The following PTPRN2 variants were observed in gnomAD, a reference collection of about 807,000 sequenced individuals.
PTPRN2 encodes the protein protein tyrosine phosphatase receptor type N2.
A neutral mutation model predicts 118.8 loss-of-function variants in PTPRN2; 74 were observed. The observed-to-expected ratio is 0.62, with a 90% CI of 0.52 to 0.76. The LOEUF (loss-of-function observed/expected upper bound fraction) is 0.76, where lower values mean the gene tolerates loss of function less well. Among genes scored for constraint, PTPRN2 ranks in the 30% least tolerant of loss-of-function variants. PTPRN2 has a pLI of 0.00. For missense variants in PTPRN2, 1,481 were observed against 1,394.4 expected (o/e 1.06, Z -0.99); for synonymous variants, 641 against 608.0 (o/e 1.05, Z -0.80).
chr7:158,433,782 C>T (rs1004562588), intron 2 of PTPRN2, among the ~76,000 whole-genome samples: 2 of 151,976 alleles, frequency 1.3e-5, no homozygotes, highest in African/African-American at 2.4e-5. Context: ...ATGTCATTTT[C>T]ACCTTTTCTT....
chr7:157,558,176 C>A (rs762116483), intron 21 of PTPRN2, among the ~76,000 whole-genome samples: 1 of 152,002 alleles, frequency 6.6e-6, no homozygotes, highest in Non-Finnish European at 1.5e-5. Flanking sequence ...ATTGGTGCGA[C>A]GCGGTGCCCA....
At chr7:157,849,264 C>T (rs1338648755) in intron 12 of PTPRN2, among the ~76,000 whole-genome samples, 1 of 152,208 alleles carries the variant, frequency 6.6e-6, no homozygotes, top group Non-Finnish European at 1.5e-5. Flanking sequence ...CCTTTCTCCC[C>T]CAGGCTGGGA....
chr7:158,329,697 G>A (rs560548010), intron 2 of PTPRN2, among the ~76,000 whole-genome samples: 12 of 152,276 alleles, frequency 7.9e-5, no homozygotes, highest in African/African-American at 1.4e-4. Flanking sequence ...AAGACACTGC[G>A]TATTATTATC....
Position 158,127,467 on chromosome 7 carries a change from A to T in PTPRN2, c.1556+6210T>A, listed in dbSNP as rs1817793784. ...AGCACAGGGGCGTTTGCCACATTCT[A>T]GGTCTCGGGGCTGCCGTGGGACCCT... On this transcript the variant is annotated intron_variant, in intron 9 of 22. Transcript: ENST00000389418. Among the ~76,000 whole-genome samples, 3 of 152,056 alleles carry T rather than the reference A, an allele frequency of 2.0e-5. No individual in the cohort carries two copies. The South Asian group carries it at 6.2e-4, about 32-fold the overall frequency.
At chr7:158,406,986 G>A (rs1813495343) in intron 2 of PTPRN2, among the ~76,000 whole-genome samples, 1 of 152,160 alleles carries the variant, frequency 6.6e-6, no homozygotes, top group African/African-American at 2.4e-5. Context: ...GGAGCTGCCA[G>A]CCCTGAACAA....
chr7:157,816,108 C>T (rs1353838868), intron 12 of PTPRN2, among the ~76,000 whole-genome samples: 2 of 152,242 alleles, frequency 1.3e-5, no homozygotes, highest in South Asian at 4.1e-4. Context: ...CCTTCTCCAC[C>T]CTTGTTCACA....
At chr7:158,122,684 A>G (rs1817268325) in intron 9 of PTPRN2, among the ~76,000 whole-genome samples, 1 of 152,186 alleles carries the variant, frequency 6.6e-6, no homozygotes, top group Non-Finnish European at 1.5e-5. Context: ...GCCTCATTTA[A>G]AAGAGAAACC....
chr7:157,551,655 C>T (rs2150468817), intron 21 of PTPRN2, among the ~76,000 whole-genome samples: 1 of 143,846 alleles, frequency 7.0e-6, no homozygotes, highest in African/African-American at 2.6e-5. Flanking sequence ...ACCCCACAGC[C>T]ATCACACACC....
chr7:157,747,853 C>A (rs1241057490), intron 12 of PTPRN2, among the ~76,000 whole-genome samples: 2 of 136,740 alleles, frequency 1.5e-5, no homozygotes, highest in Non-Finnish European at 3.1e-5. Context: ...CCGGGTGATT[C>A]TGAGGCCTGC....
intron 12 of PTPRN2, among the ~76,000 whole-genome samples, chr7:157,765,176 ACCAT>A (rs1279806274): frequency 1.1e-4 from 15 of 141,140 alleles, no homozygotes; most frequent in African/African-American, 4.0e-4. Context: ...TATCCATCCA[ACCAT>A]CCATCCATCA....
In PTPRN2 at chr7:157,591,697, G is replaced by A. The variant is rs1269795331; in HGVS notation, c.2496+3541C>T. 6.6e-6 allele frequency among the ~76,000 whole-genome samples: 1 copy of A among 152,192 alleles called. No individual in the cohort carries two copies. The highest frequency in any genetic ancestry group is 2.4e-5 in the African/African-American group (1 of 41,458). ...TGGTAAGTATTCAATGAAGAACAAC[G>A]CCTGAGAGATGCTGACATTCTAAAA... On this transcript the variant is annotated intron_variant, in intron 17 of 22. Coordinates refer to ENST00000389418, the MANE Select transcript of PTPRN2 (RefSeq NM_002847.5). This position sits in a 1 kb window ranked among gnomAD's most constrained non-coding sequence, Gnocchi z 4.4.
At chr7:157,912,292 G>A (rs930949156) in intron 11 of PTPRN2, among the ~76,000 whole-genome samples, 8 of 152,116 alleles carry the variant, frequency 5.3e-5, no homozygotes, top group African/African-American at 1.7e-4. Context: ...GTGCATCTTC[G>A]TGTATGTTTA....
chr7:157,750,971 G>A (rs759213408), intron 12 of PTPRN2, among the ~76,000 whole-genome samples: 20 of 152,326 alleles, frequency 1.3e-4, no homozygotes, highest in African/African-American at 3.8e-4. Flanking sequence ...CCTTCTGGCC[G>A]CATCTTTAGC....
chr7:158,329,197 G>T (rs140779314), intron 2 of PTPRN2, among the ~76,000 whole-genome samples: 1,576 of 152,336 alleles, frequency 0.01, 36 homozygotes, highest in African/African-American at 0.036. Context: ...GCCAGGCGGG[G>T]CAGGGGGAAG....
chr7:157,912,705 T>C (rs575289389), intron 11 of PTPRN2, among the ~76,000 whole-genome samples: 6 of 152,300 alleles, frequency 3.9e-5, no homozygotes, highest in South Asian at 2.1e-4. Context: ...GTCATTTCAT[T>C]TTTTTCTCAT....
At chr7:157,684,373 AG>A (rs1306722520) in intron 12 of PTPRN2, among the ~76,000 whole-genome samples, 1 of 134,690 alleles carries the variant, frequency 7.4e-6, no homozygotes, top group Non-Finnish European at 1.6e-5. Flanking sequence ...GAGGGAGGGA[AG>A]GAAAGGGGGA....
intron 3 of PTPRN2, among the ~76,000 whole-genome samples, chr7:158,269,867 G>C (rs1486979248): frequency 6.6e-6 from 1 of 151,750 alleles, no homozygotes; most frequent in Non-Finnish European, 1.5e-5. Flanking sequence ...GACAGAGAGA[G>C]ACAGAAAGAG....
At chr7:158,133,013 G>A (rs935832422) in intron 9 of PTPRN2, among the ~76,000 whole-genome samples, 2 of 152,240 alleles carry the variant, frequency 1.3e-5, no homozygotes, top group African/African-American at 4.8e-5. Context: ...TTAACGGGGT[G>A]ACCTGAGAAC....
rs371096686 is a variant in PTPRN2, at chr7:158,544,126, C to A, written c.112+43432G>T. 6.6e-6 allele frequency among the ~76,000 whole-genome samples: 1 copy of A among 152,116 alleles called. No homozygotes were observed. Among genetic ancestry groups the A allele is most frequent in the African/African-American group, 2.4e-5 (1 of 41,422 alleles). On this transcript the variant is annotated intron_variant, in intron 1 of 22. Coordinates refer to ENST00000389418, the MANE Select transcript of PTPRN2 (RefSeq NM_002847.5). The surrounding 1 kb of genome is among the most constrained non-coding windows in gnomAD (Gnocchi z 4.2). ...CCCGGTGGAGGGGGATATGTACACC[C>A]GCCTGGGAGGGGCCAGAACCCAGTC...
Sources: allele counts gnomAD v4.1 joint callset (sites outside exome capture counted in the v4.1 genomes callset), GRCh38; gene constraint gnomAD v4.1.1; non-coding constraint Gnocchi (gnomAD v3.1); transcripts MANE v1.5; gene names NCBI Gene and HGNC (gene_info 2026-07-23, HGNC 2026-07-21).